The following AQP3 variants were observed in gnomAD, a reference collection of about 807,000 sequenced individuals.
The protein encoded by AQP3 is aquaporin-3.
AQP3 carries 15 observed loss-of-function variants against 30.3 expected under a neutral mutation model. The ratio of observed to expected loss-of-function variants is 0.49; its 90% CI spans 0.33 to 0.76. The LOEUF is 0.76. Ranked by LOEUF, AQP3 falls within the 30% of genes least tolerant of loss-of-function variation. The pLI is 0.02. For synonymous variants in AQP3, 153 were observed against 163.2 expected, an observed-to-expected ratio of 0.94 and a Z score of 0.47; for missense variants, 272 against 384.8, an observed-to-expected ratio of 0.71 and a Z score of 2.45.
chr9:33,447,498 G>T lies in AQP3; in HGVS notation c.33C>A (p.Cys11Ter). 6.2e-7 allele frequency: 1 copy of T among 1,609,432 alleles called. No homozygotes were observed. The highest frequency in any genetic ancestry group is 1.1e-5 in the South Asian group (1 of 89,970). Residue 11 changes from cysteine (C) to a stop codon, truncating the protein, a stop_gained, in exon 1 of 6, where the codon TGC becomes TGA. Transcript: ENST00000297991. LOFTEE classifies it high-confidence loss of function. MGRQKELVSR[C>*]GEMLHIRYRL... is the part of the protein sequence containing the mutation. ...GGTAGCGGATGTGGAGCATCTCCCC[G>T]CAGCGGGACACCAGCTCCTTCTGTC... is the stretch of plus-strand genomic sequence containing the variant.
rs747502111 is a variant in AQP3 at position 33,441,829 on chromosome 9, G to A, written c.*214C>T. 44 of 732,178 alleles carry A rather than the reference G, an allele frequency of 6.0e-5. No homozygotes were observed. In the Admixed American group the frequency reaches 1.1e-3, roughly 18 times the overall value. The allele number at this position is 732,178 out of a possible 1,614,324, so 45.4% of individuals were successfully genotyped here. A position where few individuals can be genotyped will look rare whatever the true frequency, so the allele number is the denominator to read the frequency against. Reference sequence around the variant, plus strand: ...AAAAGGATGTATTGACCCAAATTCCGGTTCCACCCCAGCTTAGGGGCAGTG... The same window carrying A: ...AAAAGGATGTATTGACCCAAATTCCAGTTCCACCCCAGCTTAGGGGCAGTG... On this transcript the variant is annotated 3_prime_UTR_variant, in exon 6 of 6. Transcript: ENST00000297991.
Position 33,443,674 on chromosome 9 carries a change from G to A in AQP3, c.235+92C>T. The A allele has an allele frequency of 1.3e-6, 2 of 1,591,726 alleles. No individual in the cohort carries two copies. Among genetic ancestry groups the A allele is most frequent in the Non-Finnish European group, 1.7e-6 (2 of 1,162,640 alleles). ...TCCTTTCCCAAGGGGCCAAAGCAGA[G>A]GCCACAGCTGTGACCTGCCCTTAGG... On this transcript the variant is annotated intron_variant, in intron 2 of 5. Transcript: ENST00000297991. The surrounding 1 kb of genome is among the most constrained non-coding windows in gnomAD (Gnocchi z 5.0).
intron 1 of AQP3, among the ~76,000 whole-genome samples, chr9:33,445,457 G>T (rs377667378): frequency 2.7e-4 from 41 of 152,202 alleles, no homozygotes; most frequent in African/African-American, 9.4e-4. Flanking sequence ...ATGGGGCAAA[G>T]GTGTGCAGGC....
At chr9:33,444,506 AGGAG>A (rs1826887694) in intron 1 of AQP3, among the ~76,000 whole-genome samples, 5 of 151,926 alleles carry the variant, frequency 3.3e-5, no homozygotes, top group Admixed American at 3.3e-4. Flanking sequence ...AGGCTGAGGC[AGGAG>A]AATCACTTGA....
At chr9:33,442,613 G>C in intron 4 of AQP3, 95 bp from the exon 5 acceptor site, 1 of 1,316,690 alleles carries the variant, frequency 7.6e-7, no homozygotes, top group South Asian at 1.3e-5. Flanking sequence ...TTAAACTCTT[G>C]TCAGCGCCCG....
chr9:33,444,808 C>A (rs1241397743), intron 1 of AQP3, among the ~76,000 whole-genome samples: 1 of 152,020 alleles, frequency 6.6e-6, no homozygotes. Flanking sequence ...CTCCTCTCTC[C>A]ACCCATGACC....
At position 33,442,959 on chromosome 9, in the gene AQP3, G is replaced by C. The variant is rs768715017; in HGVS notation, c.385C>G (p.His129Asp). 4.3e-6 allele frequency: 7 copies of C among 1,613,934 alleles called. No homozygotes were observed. The highest frequency in any genetic ancestry group is 1.3e-5 in the African/African-American group (1 of 74,930). The change falls in exon 4 of 6, where the codon CAC becomes GAC. Residue 129 changes from histidine to aspartate, a missense_variant. Physicochemically the swap from His to Asp is moderately conservative, Grantham distance 81. Transcript: ENST00000297991. Reference protein sequence around the residue: ...VFGLYYDAIWHFADNQLFVSG... With the variant: ...VFGLYYDAIWDFADNQLFVSG... ...ACAAAAAGCTGGTTGTCGGCGAAGT[G>C]CCAGATTGCATCTGGTGACAGATTA...
intron 1 of AQP3, among the ~76,000 whole-genome samples, chr9:33,445,437 C>T (rs554502392): frequency 3.2e-4 from 48 of 152,268 alleles, no homozygotes; most frequent in African/African-American, 9.9e-4. Context: ...GAGAAGCCAG[C>T]GGCAATGACA....
In AQP3 at chr9:33,446,252, T is replaced by C. The variant is rs139582583; in HGVS notation, c.108+1171A>G. ...CTGGCTGATAGGACGACTAATCTTA[T>C]GGGAGGCTGTGGATAAAATGCCCCC... On this transcript the variant is annotated intron_variant, in intron 1 of 5. Transcript: ENST00000297991. Among the ~76,000 whole-genome samples the C allele has an allele frequency of 8.7e-3, 1,319 of 152,256 alleles. 12 individuals carry two copies. The highest frequency in any genetic ancestry group is 0.03 in the African/African-American group (1,229 of 41,560).
In AQP3 at chr9:33,443,781, C is replaced by T. The variant is rs1385987539; in HGVS notation, c.220G>A (p.Ala74Thr). The T allele has an allele frequency of 1.9e-6, 3 of 1,613,918 alleles. No individual in the cohort carries two copies. The highest frequency in any genetic ancestry group is 2.5e-6 in the Non-Finnish European group (3 of 1,179,964). ...AAGGCCTTACCAGAGACCTGGCCAG[C>T]GATGAGGATGCCCAGAGTGACAGCA... ...GFAVTLGILIAGQVSGAHLNP... is the reference protein window; with the variant it reads ...GFAVTLGILITGQVSGAHLNP... The change falls in exon 2 of 6, where the codon GCT becomes ACT. Residue 74 changes from alanine to threonine, a missense_variant. Around this residue, in one of 3 missense-constraint regions of AQP3, gnomAD observed 170 missense variants for 286.4 expected, o/e 0.59. Coordinates refer to ENST00000297991, the MANE Select transcript of AQP3 (RefSeq NM_004925.5). The surrounding 1 kb of genome is among the most constrained non-coding windows in gnomAD (Gnocchi z 5.0).
In AQP3 at chr9:33,443,668, A is replaced by G; in HGVS notation, c.235+98T>C. ...CCACCCTCCTTTCCCAAGGGGCCAA[A>G]GCAGAGGCCACAGCTGTGACCTGCC... On this transcript the variant is annotated intron_variant, in intron 2 of 5. Transcript: ENST00000297991. This position sits in a 1 kb window ranked among gnomAD's most constrained non-coding sequence, Gnocchi z 5.0. 2 of 1,583,746 alleles carry G rather than the reference A, an allele frequency of 1.3e-6. No homozygotes were observed. Among genetic ancestry groups the G allele is most frequent in the South Asian group, 1.1e-5 (1 of 89,034 alleles).
rs764756121 is a variant in AQP3, at chr9:33,442,067, A to G, written c.855T>C (p.His285=). The G allele has an allele frequency of 1.2e-6, 2 of 1,613,888 alleles. No individual in the cohort carries two copies. Among genetic ancestry groups the G allele is most frequent in the East Asian group, 2.2e-5 (1 of 44,870 alleles). The change falls in exon 6 of 6, where the codon CAT becomes CAC. Residue 285 remains histidine (H), a synonymous_variant. Coordinates refer to ENST00000297991, the MANE Select transcript of AQP3 (RefSeq NM_004925.5). ...SNEEENVKLA[H]VKHKEQI is the part of the protein sequence containing the mutation. ...CTCAGATCTGCTCCTTGTGCTTCAC[A>G]TGGGCCAGCTTCACATTCTCTTCCT...
At position 33,442,988 on chromosome 9, in the gene AQP3, A is replaced by G. The variant is rs2231231; in HGVS notation, c.374-18T>C. ...GATTGCATCTGGTGACAGATTAGAC[A>G]CACAGTGAGTCGGGGGAGAGGCCTG... On this transcript the variant is annotated intron_variant, in intron 3 of 5. Coordinates refer to ENST00000297991, the MANE Select transcript of AQP3 (RefSeq NM_004925.5). 6.2e-7 allele frequency: 1 copy of G among 1,606,706 alleles called. No individual in the cohort carries two copies. Among genetic ancestry groups the G allele is most frequent in the Non-Finnish European group, 8.5e-7 (1 of 1,173,408 alleles).
chr9:33,442,540 G>A (rs1380302898), intron 4 of AQP3, 22 bp from the exon 5 acceptor site: 2 of 1,580,334 alleles, frequency 1.3e-6, no homozygotes, highest in Non-Finnish European at 1.7e-6. Flanking sequence ...GGAGAACAGG[G>A]TGAGCTGCAG....
In AQP3 at chr9:33,443,335, A is replaced by T; in HGVS notation, c.359T>A (p.Phe120Tyr). ...LGAFLGAGIV[F>Y]GLYYDAIWHF... ...GGAATGCTTACCATAATACAGCCCAAAAACTATTCCAGCACCCAAGAAGGC... is the reference window on the plus strand; with the variant it reads ...GGAATGCTTACCATAATACAGCCCATAAACTATTCCAGCACCCAAGAAGGC... The change falls in exon 3 of 6, where the codon TTT becomes TAT. Residue 120 changes from phenylalanine to tyrosine, a missense_variant. Physicochemically the swap from Phe to Tyr is conservative, Grantham distance 22. Coordinates refer to ENST00000297991, the MANE Select transcript of AQP3 (RefSeq NM_004925.5). The surrounding 1 kb of genome is among the most constrained non-coding windows in gnomAD (Gnocchi z 5.0). 6.3e-7 allele frequency: 1 copy of T among 1,584,764 alleles called. No homozygotes were observed. Among genetic ancestry groups the T allele is most frequent in the African/African-American group, 1.3e-5 (1 of 74,490 alleles).
At chr9:33,444,790 C>T (rs966291346) in intron 1 of AQP3, among the ~76,000 whole-genome samples, 2 of 152,006 alleles carry the variant, frequency 1.3e-5, no homozygotes, top group African/African-American at 4.8e-5. Flanking sequence ...CTGTCCCTGT[C>T]CCAGCGTCTC....
At chr9:33,446,812 C>T (rs145519760) in intron 1 of AQP3, among the ~76,000 whole-genome samples, 8 of 152,284 alleles carry the variant, frequency 5.3e-5, no homozygotes, top group Non-Finnish European at 1.2e-4. Flanking sequence ...ACTTTAGACA[C>T]GCGTCCTCTG....
chr9:33,442,017 G>A lies in AQP3; in HGVS notation c.*26C>T, dbSNP rs768909466. The A allele has an allele frequency of 4.3e-5, 69 of 1,610,200 alleles. No individual in the cohort carries two copies. Among genetic ancestry groups the A allele is most frequent in the East Asian group, 1.8e-4 (8 of 44,814 alleles). ...AGTGGATGCTCAAGGCCAGGGCAGC[G>A]GAGTGGGGAGATGGCCCCTGCCCAC... On this transcript the variant is annotated 3_prime_UTR_variant, in exon 6 of 6. Transcript: ENST00000297991.
Position 33,447,408 on chromosome 9 carries a change from G to A in AQP3, c.108+15C>T. On this transcript the variant is annotated intron_variant, in intron 1 of 5. Transcript: ENST00000297991. The stretch of plus-strand genomic sequence containing the variant: ...GGCTGGAGAGAGAAGGGCTTCCCCG[G>A]CTCCCTCCACTCACCACCAGGATGA... 1.9e-6 allele frequency: 3 copies of A among 1,573,196 alleles called. No homozygotes were observed. Among genetic ancestry groups the A allele is most frequent in the Non-Finnish European group, 1.7e-6 (2 of 1,155,030 alleles).
Sources: gnomAD v4.1 joint callset for allele counts (sites outside exome capture counted in the v4.1 genomes callset) on GRCh38, gnomAD v4.1.1 for gene constraint, gnomAD v4.1.1 regional missense constraint, Gnocchi (gnomAD v3.1) non-coding constraint, MANE v1.5 for transcripts, NCBI Gene and HGNC (gene_info 2026-07-23, HGNC 2026-07-21) for gene names.